The following NOS1AP variants were observed in gnomAD, a reference collection of about 807,000 sequenced individuals.
NOS1AP encodes the protein carboxyl-terminal PDZ ligand of neuronal nitric oxide synthase protein.
NOS1AP carries 21 observed loss-of-function variants against 56.2 expected under a neutral mutation model. The observed-to-expected ratio is 0.37, with a 90% CI of 0.26 to 0.54. The LOEUF (loss-of-function observed/expected upper bound fraction) is 0.54. NOS1AP is among the 20% of genes least tolerant of loss of function. The pLI is 0.84. For missense variants in NOS1AP, 522 were observed against 657.8 expected (o/e 0.79, Z 2.26); for synonymous variants, 270 against 274.6 (o/e 0.98, Z 0.17).
intron 4 of NOS1AP, among the ~76,000 whole-genome samples, chr1:162,329,072 C>T (rs1656683264): frequency 6.6e-6 from 1 of 152,078 alleles, no homozygotes. Context: ...TGATGATAAA[C>T]CCAAAATCCA....
Position 162,356,941 on chromosome 1 carries a change from T to G in NOS1AP, c.763-19T>G. The G allele has an allele frequency of 6.2e-7, 1 of 1,613,968 alleles. No homozygotes were observed. The highest frequency in any genetic ancestry group is 8.5e-7 in the Non-Finnish European group (1 of 1,180,032). ...GGCTCCTGCCACATGTCATGTCCTGTCTTCTCCTTCTCCTCCAGGTTTCGC... is the reference window on the plus strand; with the variant it reads ...GGCTCCTGCCACATGTCATGTCCTGGCTTCTCCTTCTCCTCCAGGTTTCGC... On this transcript the variant is annotated intron_variant, in intron 7 of 9. Coordinates refer to ENST00000361897, the MANE Select transcript of NOS1AP (RefSeq NM_014697.3).
intron 4 of NOS1AP, among the ~76,000 whole-genome samples, chr1:162,314,285 C>T (rs967811074): frequency 2.0e-5 from 3 of 152,182 alleles, no homozygotes; most frequent in South Asian, 2.1e-4. Context: ...CCTCTGGATC[C>T]GCCTCTCTGG....
At chr1:162,304,139 T>C (rs1008754826) in intron 4 of NOS1AP, among the ~76,000 whole-genome samples, 1 of 152,194 alleles carries the variant, frequency 6.6e-6, no homozygotes, top group Non-Finnish European at 1.5e-5. Flanking sequence ...CAATTTTTTA[T>C]GTGGTATGAG....
chr1:162,307,448 G>C lies in NOS1AP; in HGVS notation c.344+6742G>C, dbSNP rs565037189. The stretch of plus-strand genomic sequence containing the variant: ...ATCAAGTTAGGTAGAGTCTCCATTA[G>C]GAGTTCCAGCCAGTCTCCAGAAATG... On this transcript the variant is annotated intron_variant, in intron 4 of 9. Coordinates refer to ENST00000361897, the MANE Select transcript of NOS1AP (RefSeq NM_014697.3). 3.3e-5 allele frequency among the ~76,000 whole-genome samples: 5 copies of C among 152,306 alleles called. No homozygotes were observed. In the South Asian group the frequency reaches 8.3e-4, roughly 25 times the overall value.
intron 2 of NOS1AP, among the ~76,000 whole-genome samples, chr1:162,207,985 C>T (rs1204033567): frequency 5.3e-5 from 8 of 152,150 alleles, no homozygotes; most frequent in South Asian, 2.1e-4. Context: ...ACATACCCTG[C>T]GCTAGGCACT....
Position 162,171,715 on chromosome 1 carries a change from A to G in NOS1AP, c.177+17239A>G, listed in dbSNP as rs528380904. Among the ~76,000 whole-genome samples the G allele has an allele frequency of 7.9e-5, 12 of 151,822 alleles. No homozygotes were observed. The South Asian group carries it at 1.3e-3, about 16-fold the overall frequency. ...CTCTCCAGCCTCTCTTTCTGAACTC[A>G]TCTCCTCTCACCTAACTTCCCAGTT... On this transcript the variant is annotated intron_variant, in intron 2 of 9. Transcript: ENST00000361897.
chr1:162,241,873 A>C (rs1019243387), intron 2 of NOS1AP, among the ~76,000 whole-genome samples: 2 of 152,214 alleles, frequency 1.3e-5, no homozygotes, highest in Non-Finnish European at 2.9e-5. Context: ...CTCTAGTCTT[A>C]CTTTTTCAGC....
At chr1:162,124,362 A>G (rs1182820431) in intron 1 of NOS1AP, among the ~76,000 whole-genome samples, 1 of 152,056 alleles carries the variant, frequency 6.6e-6, no homozygotes, top group African/African-American at 2.4e-5. Context: ...TCTGACTTGT[A>G]ATGAGGACAT....
At chr1:162,236,582 G>A (rs1295007958) in intron 2 of NOS1AP, among the ~76,000 whole-genome samples, 2 of 152,184 alleles carry the variant, frequency 1.3e-5, no homozygotes, top group African/African-American at 2.4e-5. Flanking sequence ...AGGAAGCAGG[G>A]CAAGTCATCC....
intron 4 of NOS1AP, among the ~76,000 whole-genome samples, chr1:162,329,692 A>T (rs1044921580): frequency 6.6e-5 from 10 of 152,184 alleles, no homozygotes; most frequent in Non-Finnish European, 1.5e-5. Flanking sequence ...TGGAGAAATA[A>T]GGGTTCTTGG....
At position 162,208,737 on chromosome 1, in the gene NOS1AP, C is replaced by G. The variant is rs572288607; in HGVS notation, c.177+54261C>G. ...TTGTGTTTTAGACACTGCCTGTACCCTGCCTTCTGAGTTAGGCTATAAATA... is the reference window on the plus strand; with the variant it reads ...TTGTGTTTTAGACACTGCCTGTACCGTGCCTTCTGAGTTAGGCTATAAATA... On this transcript the variant is annotated intron_variant, in intron 2 of 9. Transcript: ENST00000361897. Among the ~76,000 whole-genome samples the G allele has an allele frequency of 4.6e-5, 7 of 152,338 alleles. No homozygotes were observed. In the East Asian group the frequency reaches 9.7e-4, roughly 21 times the overall value.
rs3065060 is a variant in NOS1AP, at chr1:162,368,438, CAAAAA to C, written c.*980_*984del. 0.31 allele frequency: 44,487 copies of C among 145,744 alleles called. 7,936 individuals are homozygous for C. Among genetic ancestry groups the C allele is most frequent in the East Asian group, 0.53 (2,659 of 5,054 alleles). The allele number at this position is 145,744 out of a possible 1,614,324, so 9.0% of individuals were successfully genotyped here. ...GGGCAGTGGTGGTCAGTTTTTACTG[CAAAAA>C]AAAAAAAAGAAAAAAGAGAAAGAAA... On this transcript the variant is annotated 3_prime_UTR_variant, in exon 10 of 10. Coordinates refer to ENST00000361897, the MANE Select transcript of NOS1AP (RefSeq NM_014697.3).
At chr1:162,184,640 G>A (rs1181581879) in intron 2 of NOS1AP, among the ~76,000 whole-genome samples, 4 of 152,138 alleles carry the variant, frequency 2.6e-5, no homozygotes, top group African/African-American at 7.2e-5. Flanking sequence ...CCACCACATC[G>A]TGGGACGTTC....
intron 2 of NOS1AP, among the ~76,000 whole-genome samples, chr1:162,163,301 T>A (rs1413975433): frequency 6.6e-6 from 1 of 152,202 alleles, no homozygotes; most frequent in Admixed American, 6.5e-5. Context: ...TGTGATGGAA[T>A]GATTAGAACT....
At chr1:162,101,760 G>A (rs927026391) in intron 1 of NOS1AP, among the ~76,000 whole-genome samples, 40 of 152,156 alleles carry the variant, frequency 2.6e-4, no homozygotes, top group African/African-American at 9.4e-4. Context: ...TTGGTGAATA[G>A]GAATGCTAGC....
At chr1:162,284,687 C>G (rs1284556954) in intron 2 of NOS1AP, among the ~76,000 whole-genome samples, 1 of 152,174 alleles carries the variant, frequency 6.6e-6, no homozygotes, top group Admixed American at 6.5e-5. Flanking sequence ...AGTTCAGTTG[C>G]ACTTTTGAGT....
intron 8 of NOS1AP, among the ~76,000 whole-genome samples, chr1:162,362,031 T>G (rs184477466): frequency 7.2e-5 from 11 of 152,328 alleles, no homozygotes; most frequent in Admixed American, 1.3e-4. Context: ...ATGGAGAAAC[T>G]GAGGTCCAGA....
chr1:162,155,231 T>C (rs372116371), intron 2 of NOS1AP, among the ~76,000 whole-genome samples: 2 of 142,810 alleles, frequency 1.4e-5, no homozygotes, highest in African/African-American at 2.5e-5. Context: ...TATACATATA[T>C]ATATACATAT....
intron 1 of NOS1AP, among the ~76,000 whole-genome samples, chr1:162,144,278 A>G (rs1649356559): frequency 6.6e-6 from 1 of 152,242 alleles, no homozygotes; most frequent in Admixed American, 6.5e-5. Context: ...CTACTGAAGT[A>G]TTAGCATGGT....
Sources: gnomAD v4.1 joint callset for allele counts (sites outside exome capture counted in the v4.1 genomes callset) on GRCh38, gnomAD v4.1.1 for gene constraint, MANE v1.5 for transcripts, NCBI Gene and HGNC (gene_info 2026-07-23, HGNC 2026-07-21) for gene names.